Variants in MLLT10 observed in about 807,000 individuals in gnomAD.
The protein encoded by MLLT10 is MLLT10 histone lysine methyltransferase DOT1L cofactor.
MLLT10 carries 30 observed loss-of-function variants against 129.1 expected under a neutral mutation model. The ratio of observed to expected loss-of-function variants is 0.23; its 90% confidence interval spans 0.17 to 0.32. The LOEUF (loss-of-function observed/expected upper bound fraction) is 0.32, where lower values mean the gene tolerates loss of function less well. Among genes scored for constraint, MLLT10 ranks in the 10% least tolerant of loss-of-function variants. The pLI, the probability that MLLT10 is intolerant of heterozygous loss-of-function variation, is 1.00. For synonymous variants in MLLT10, 490 were observed against 446.4 expected (o/e 1.10, Z -1.23); for missense variants, 1,119 against 1,268.3 (o/e 0.88, Z 1.79).
chr10:21,734,470 A>C lies in MLLT10; in HGVS notation c.2858+341A>C, dbSNP rs1382933029. Among the ~76,000 whole-genome samples, 4 of 152,208 alleles carry C rather than the reference A, an allele frequency of 2.6e-5. No individual in the cohort carries two copies. The East Asian group carries it at 7.7e-4, about 29-fold the overall frequency. On this transcript the variant is annotated intron_variant, in intron 20 of 22. Coordinates refer to ENST00000307729, the MANE Select transcript of MLLT10 (RefSeq NM_001195626.3). The stretch of plus-strand genomic sequence containing the variant: ...GAGATAACATGAATATTAGTTTCCT[A>C]AAATTTATGTAATATTTTTAATGTT...
chr10:21,723,407 G>C (rs1458320702), intron 14 of MLLT10, among the ~76,000 whole-genome samples: 1 of 152,098 alleles, frequency 6.6e-6, no homozygotes, highest in African/African-American at 2.4e-5. Flanking sequence ...TTGGATCTTT[G>C]GATTCTTATC....
chr10:21,730,786 G>C (rs2057905859), intron 16 of MLLT10, 114 bp from the exon 17 acceptor site: 1 of 1,045,286 alleles, frequency 9.6e-7, no homozygotes, highest in Non-Finnish European at 1.4e-6. Flanking sequence ...TTCTGGCATA[G>C]GCAGCCTGGT....
At chr10:21,552,986 G>T (rs918118501) in intron 3 of MLLT10, among the ~76,000 whole-genome samples, 2 of 151,512 alleles carry the variant, frequency 1.3e-5, no homozygotes, top group Non-Finnish European at 2.9e-5. Context: ...TGGTCTGTTT[G>T]CTCCTTAGGC....
intron 6 of MLLT10, among the ~76,000 whole-genome samples, chr10:21,614,069 T>C (rs569008436): frequency 5.3e-5 from 8 of 151,306 alleles, no homozygotes; most frequent in Admixed American, 5.3e-4. Context: ...AAAAACAAAA[T>C]TAGCCAGGTG....
At chr10:21,559,852 C>A (rs969187545) in intron 3 of MLLT10, among the ~76,000 whole-genome samples, 2 of 152,114 alleles carry the variant, frequency 1.3e-5, no homozygotes, top group African/African-American at 4.8e-5. Flanking sequence ...ATCCATTCAT[C>A]TGTTGATGGA....
intron 8 of MLLT10, chr10:21,626,305 G>T: frequency 1.7e-6 from 2 of 1,199,892 alleles, no homozygotes; most frequent in Non-Finnish European, 2.5e-6. Flanking sequence ...GCAGGGGCTG[G>T]TGGCTGGGCC....
intron 3 of MLLT10, among the ~76,000 whole-genome samples, chr10:21,546,904 G>A (rs2036171344): frequency 6.6e-6 from 1 of 152,006 alleles, no homozygotes; most frequent in South Asian, 2.1e-4. Context: ...ATTTTGTATA[G>A]TAGAGACGGG....
intron 8 of MLLT10, among the ~76,000 whole-genome samples, chr10:21,638,257 T>TGGG (rs1554827242): frequency 2.5e-5 from 2 of 80,528 alleles, no homozygotes; most frequent in African/African-American, 1.1e-4. Context: ...TTCTTTTTGG[T>TGGG]GGGGGGAGGG....
chr10:21,699,987 A>G (rs1243466232), intron 13 of MLLT10, among the ~76,000 whole-genome samples: 1 of 152,076 alleles, frequency 6.6e-6, no homozygotes, highest in African/African-American at 2.4e-5. Context: ...TAATGATACT[A>G]ATTCTTCCAA....
chr10:21,651,827 A>C, intron 9 of MLLT10, 59 bp downstream of exon 9: 1 of 1,120,940 alleles, frequency 8.9e-7, no homozygotes, highest in South Asian at 1.5e-5. Flanking sequence ...GCTGATTTTC[A>C]CCTCTAAAAA....
chr10:21,536,358 C>G lies in MLLT10; in HGVS notation c.160+1554C>G, dbSNP rs903593490. On this transcript the variant is annotated intron_variant, in intron 2 of 22. Transcript: ENST00000307729. ...CCCATGTTCATTGGCATTTTGAAGG[C>G]CAATGAATTTCTTATGAATTGGAAT... 2.6e-5 allele frequency among the ~76,000 whole-genome samples: 4 copies of G among 152,094 alleles called. No homozygotes were observed. In the East Asian group the frequency reaches 7.7e-4, roughly 29 times the overall value.
chr10:21,554,615 G>A (rs2037619152), intron 3 of MLLT10, among the ~76,000 whole-genome samples: 2 of 151,332 alleles, frequency 1.3e-5, no homozygotes, highest in Non-Finnish European at 2.9e-5. Context: ...CACCACGCCC[G>A]GCTAATTTTT....
At chr10:21,559,475 A>G (rs2038517387) in intron 3 of MLLT10, among the ~76,000 whole-genome samples, 1 of 152,244 alleles carries the variant, frequency 6.6e-6, no homozygotes, top group African/African-American at 2.4e-5. Flanking sequence ...TAAAATACAC[A>G]TAATACAAAA....
chr10:21,651,618 C>A, intron 8 of MLLT10, 55 bp from the exon 9 acceptor site: 3 of 1,195,552 alleles, frequency 2.5e-6, no homozygotes, highest in Non-Finnish European at 2.4e-6. Context: ...ATCTCTGTTG[C>A]ATATATGGGG....
At chr10:21,612,966 G>T (rs905153020) in intron 6 of MLLT10, among the ~76,000 whole-genome samples, 3 of 151,956 alleles carry the variant, frequency 2.0e-5, no homozygotes, top group East Asian at 1.9e-4. Flanking sequence ...GGCCGAGGTG[G>T]GTGGATCACC....
At chr10:21,539,252 G>A (rs1230666106) in intron 3 of MLLT10, among the ~76,000 whole-genome samples, 1 of 152,062 alleles carries the variant, frequency 6.6e-6, no homozygotes, top group Non-Finnish European at 1.5e-5. Flanking sequence ...ACATAAGGAA[G>A]TTACATTGAT....
intron 3 of MLLT10, among the ~76,000 whole-genome samples, chr10:21,546,768 C>T (rs566369986): frequency 6.6e-6 from 1 of 151,404 alleles, no homozygotes; most frequent in South Asian, 2.1e-4. Context: ...TTTGCTCTTT[C>T]CCAGGCTGGA....
Position 21,651,660 on chromosome 10 carries a change from T to C in MLLT10, c.700-13T>C, listed in dbSNP as rs759180806. On this transcript the variant is annotated splice_polypyrimidine_tract_variant and intron_variant, in intron 8 of 22. Coordinates refer to ENST00000307729, the MANE Select transcript of MLLT10 (RefSeq NM_001195626.3). ...TTAAATTAAAATTGGATTTTACTTA[T>C]ATTCGTTTTTAGAAATATAAAGAGA... 29 of 1,594,870 alleles carry C rather than the reference T, an allele frequency of 1.8e-5. No individual in the cohort carries two copies. The highest frequency in any genetic ancestry group is 2.4e-5 in the Non-Finnish European group (28 of 1,165,354).
chr10:21,564,034 G>T (rs769464489), intron 3 of MLLT10, among the ~76,000 whole-genome samples: 18 of 152,066 alleles, frequency 1.2e-4, no homozygotes, highest in East Asian at 5.8e-4. Context: ...GGATGGTCTC[G>T]ATCTCCTAAC....
Sources: gnomAD v4.1 joint callset for allele counts (sites outside exome capture counted in the v4.1 genomes callset) on GRCh38, gnomAD v4.1.1 for gene constraint, MANE v1.5 for transcripts, NCBI Gene and HGNC (gene_info 2026-07-23, HGNC 2026-07-21) for gene names.